Variants in PRP4K observed in about 807,000 individuals in gnomAD.
The protein encoded by PRP4K is pre-mRNA processing factor kinase PRP4K.
chr6:4,032,223 G>A, the PRP4K span: 1 of 1,613,868 alleles, frequency 6.2e-7, no homozygotes, highest in African/African-American at 1.3e-5. Flanking sequence ...TCAAGATCAA[G>A]CAAGGAAATC....
chr6:4,058,717 T>G, the PRP4K span: 1 of 1,609,882 alleles, frequency 6.2e-7, no homozygotes. Flanking sequence ...AGTTTTTGTT[T>G]TGTTTTGTAG....
the PRP4K span, chr6:4,052,186 C>A: frequency 1.5e-6 from 2 of 1,376,184 alleles, no homozygotes; most frequent in African/African-American, 1.5e-5. Context: ...AGATTTTCTG[C>A]GTATTTGATT....
chr6:4,055,352 A>G, the PRP4K span, among the ~76,000 whole-genome samples: 3 of 152,262 alleles, frequency 2.0e-5, no homozygotes, highest in South Asian at 2.1e-4. Flanking sequence ...CTGATTCCCA[A>G]GATGAAAAGA....
chr6:4,027,190 A>G, the PRP4K span, among the ~76,000 whole-genome samples: 1 of 152,210 alleles, frequency 6.6e-6, no homozygotes. Context: ...CTGACTTGAA[A>G]TAACAGCCTT....
chr6:4,058,957 C>T, the PRP4K span: 2 of 570,522 alleles, frequency 3.5e-6, no homozygotes, highest in Non-Finnish European at 6.1e-6. Context: ...AAATAAAACA[C>T]ATCAGACCAT....
chr6:4,049,979 T>G, the PRP4K span: 1 of 1,321,534 alleles, frequency 7.6e-7, no homozygotes, highest in Non-Finnish European at 1.0e-6. Flanking sequence ...ATAGAATGTG[T>G]AAAACAAGTA....
At chr6:4,032,526 A>C in the PRP4K span, 1 of 1,613,838 alleles carries the variant, frequency 6.2e-7, no homozygotes, top group Admixed American at 1.7e-5. Flanking sequence ...TTCATCTGGG[A>C]AAGAAAATAG....
chr6:4,022,547 A>T, the PRP4K span, among the ~76,000 whole-genome samples: 2 of 151,986 alleles, frequency 1.3e-5, no homozygotes, highest in Non-Finnish European at 2.9e-5. Flanking sequence ...TCTCCCAGCA[A>T]CTTGTGACTG....
the PRP4K span, among the ~76,000 whole-genome samples, chr6:4,024,423 C>T: frequency 6.6e-6 from 1 of 151,946 alleles, no homozygotes; most frequent in Non-Finnish European, 1.5e-5. Context: ...CTTTGCTCGC[C>T]ACTAAAAAAA....
the PRP4K span, among the ~76,000 whole-genome samples, chr6:4,054,673 ATT>A: frequency 2.6e-5 from 4 of 152,052 alleles, no homozygotes; most frequent in African/African-American, 9.7e-5. Context: ...CGCCCAGCTA[ATT>A]TTTGTATTTT....
At chr6:4,047,034 A>C in the PRP4K span, 1 of 686,396 alleles carries the variant, frequency 1.5e-6, no homozygotes, top group African/African-American at 1.8e-5. Flanking sequence ...TAATAAAGTG[A>C]TTCTAAATTG....
chr6:4,044,118 T>C, the PRP4K span: 86 of 1,113,050 alleles, frequency 7.7e-5, no homozygotes, highest in African/African-American at 1.2e-3. Context: ...TTAGGAAAAG[T>C]AAAAGATTAG....
the PRP4K span, chr6:4,063,817 A>G: frequency 6.6e-6 from 1 of 152,174 alleles, no homozygotes; most frequent in Non-Finnish European, 1.5e-5. Context: ...ATAAATGTGC[A>G]TTCCTCTTTT....
the PRP4K span, among the ~76,000 whole-genome samples, chr6:4,047,948 A>ACACACAC: frequency 6.6e-6 from 1 of 150,808 alleles, no homozygotes; most frequent in African/African-American, 2.4e-5. Flanking sequence ...ACACACACAG[A>ACACACAC]GCAATAGGAA....
At chr6:4,034,143 A>G in the PRP4K span, among the ~76,000 whole-genome samples, 1,155 of 142,700 alleles carry the variant, frequency 8.1e-3, 10 homozygotes, top group South Asian at 0.041. Context: ...AGACAATAAC[A>G]TGAATATAAG....
chr6:4,048,933 G>T, the PRP4K span: 1 of 824,570 alleles, frequency 1.2e-6, no homozygotes. Context: ...ATTATATCTG[G>T]TGTTACCCTT....
chr6:4,041,071 A>G, the PRP4K span: 1 of 913,282 alleles, frequency 1.1e-6, no homozygotes, highest in Admixed American at 2.9e-5. Context: ...TCTTTTGTGA[A>G]TATTGTGTAG....
At chr6:4,032,663 C>T in the PRP4K span, 1 of 1,613,806 alleles carries the variant, frequency 6.2e-7, no homozygotes, top group South Asian at 1.1e-5. Flanking sequence ...GCAAATCCCC[C>T]TCGCGGACAC....
the PRP4K span, among the ~76,000 whole-genome samples, chr6:4,037,159 TA>T: frequency 6.6e-6 from 1 of 152,104 alleles, no homozygotes; most frequent in Non-Finnish European, 1.5e-5. Context: ...CCGGTATGAA[TA>T]ACCTTTAGTA....
Sources: gnomAD v4.1 joint callset for allele counts (sites outside exome capture counted in the v4.1 genomes callset) on GRCh38, gnomAD v4.1.1 for gene constraint, MANE v1.5 for transcripts, NCBI Gene and HGNC (gene_info 2026-07-23, HGNC 2026-07-21) for gene names.